Variants in VEPH1 observed in about 807,000 individuals in gnomAD.
VEPH1 encodes ventricular zone-expressed PH domain-containing protein homolog 1.
Under a neutral mutation model 85.2 loss-of-function variants are expected in VEPH1, and 80 were observed. That is an observed-to-expected ratio of 0.94 (90% CI 0.78 to 1.13). The LOEUF (loss-of-function observed/expected upper bound fraction) is 1.13, where lower values mean the gene tolerates loss of function less well. VEPH1 is among the 50% of genes most tolerant of loss of function. The probability of loss-of-function intolerance (pLI) is 0.00; values close to 1 mark genes in which losing one functional copy is unlikely to be tolerated. For missense variants in VEPH1, 955 were observed against 980.5 expected (o/e 0.97, Z 0.35); for synonymous variants, 297 against 348.0 (o/e 0.85, Z 1.63).
intron 4 of VEPH1, among the ~76,000 whole-genome samples, chr3:157,436,609 C>T (rs1038482519): frequency 5.3e-5 from 8 of 152,100 alleles, no homozygotes; most frequent in African/African-American, 1.9e-4. Context: ...CTCAGGAGAA[C>T]AGTAGAAGCC....
chr3:157,389,878 C>A (rs556253905), intron 6 of VEPH1, among the ~76,000 whole-genome samples: 11 of 152,248 alleles, frequency 7.2e-5, no homozygotes, highest in Admixed American at 6.5e-4. Context: ...GATTTTAGGT[C>A]TTCAGCATAT....
At chr3:157,342,867 T>A (rs1181054034) in intron 9 of VEPH1, among the ~76,000 whole-genome samples, 2 of 152,144 alleles carry the variant, frequency 1.3e-5, no homozygotes, top group Non-Finnish European at 2.9e-5. Context: ...CTCAGGATTA[T>A]GAAACTCACT....
Position 157,364,327 on chromosome 3 carries a change from T to A in VEPH1, c.1313A>T (p.Glu438Val). Residue 438 changes from glutamate to valine, a missense_variant, in exon 8 of 14, where the codon GAA becomes GTA. Physicochemically the swap from Glu to Val is moderately radical, Grantham distance 121. Coordinates refer to ENST00000362010, the MANE Select transcript of VEPH1 (RefSeq NM_001167912.2). ...RYSLGQVSKE[E>V]RKNIRFNRSK... Reference sequence around the variant, plus strand: ...CCTGTTAAATCTAATGTTTTTTCTTTCTTCTTTAGAAACTTGGCCCAGACT... The same window carrying A: ...CCTGTTAAATCTAATGTTTTTTCTTACTTCTTTAGAAACTTGGCCCAGACT... 6.2e-7 allele frequency: 1 copy of A among 1,612,744 alleles called. No individual in the cohort carries two copies. Among genetic ancestry groups the A allele is most frequent in the Non-Finnish European group, 8.5e-7 (1 of 1,179,560 alleles).
At chr3:157,413,480 C>A in intron 6 of VEPH1, 2 of 985,322 alleles carry the variant, frequency 2.0e-6, no homozygotes, top group Non-Finnish European at 2.4e-6. Flanking sequence ...AGAGAAATTG[C>A]AACCTGAAAT....
chr3:157,414,918 T>G (rs1731786280), intron 5 of VEPH1, among the ~76,000 whole-genome samples: 1 of 152,166 alleles, frequency 6.6e-6, no homozygotes. Context: ...GATTTGTCAT[T>G]TTTTGAGTAG....
intron 6 of VEPH1, among the ~76,000 whole-genome samples, chr3:157,402,938 A>G (rs1027733724): frequency 6.6e-6 from 1 of 152,116 alleles, no homozygotes; most frequent in African/African-American, 2.4e-5. Context: ...TTAGATGCAT[A>G]TTTTCTTAGA....
chr3:157,474,840 C>T (rs963363679), intron 2 of VEPH1, among the ~76,000 whole-genome samples: 2 of 151,776 alleles, frequency 1.3e-5, no homozygotes, highest in African/African-American at 2.4e-5. Flanking sequence ...AAAGAAATAG[C>T]CTATATATTA....
intron 6 of VEPH1, among the ~76,000 whole-genome samples, chr3:157,395,702 A>G (rs761090531): frequency 6.6e-6 from 1 of 151,886 alleles, no homozygotes; most frequent in Non-Finnish European, 1.5e-5. Flanking sequence ...TTTGTCACCA[A>G]TTTTCTTTTT....
At chr3:157,413,452 T>C in intron 6 of VEPH1, 2 of 985,242 alleles carry the variant, frequency 2.0e-6, no homozygotes, top group Non-Finnish European at 2.4e-6. Flanking sequence ...CTGTGCTTAC[T>C]GATGGTCTCC....
chr3:157,447,051 TA>T (rs559744061), intron 4 of VEPH1, among the ~76,000 whole-genome samples: 1 of 152,228 alleles, frequency 6.6e-6, no homozygotes, highest in Non-Finnish European at 1.5e-5. Context: ...ATAGTTATCT[TA>T]AAAAATGTTT....
chr3:157,311,040 T>G (rs926518890), intron 11 of VEPH1, among the ~76,000 whole-genome samples: 2 of 152,220 alleles, frequency 1.3e-5, no homozygotes, highest in Non-Finnish European at 2.9e-5. Flanking sequence ...AATGATAGAA[T>G]TTTTAAACTT....
chr3:157,277,623 T>G, intron 12 of VEPH1, among the ~76,000 whole-genome samples: 1 of 152,232 alleles, frequency 6.6e-6, no homozygotes, highest in East Asian at 1.9e-4. Context: ...TTATAATGTC[T>G]GCACTGGAAG....
chr3:157,358,945 G>A (rs181374796), intron 9 of VEPH1, among the ~76,000 whole-genome samples: 2 of 152,136 alleles, frequency 1.3e-5, no homozygotes, highest in South Asian at 2.1e-4. Flanking sequence ...GCAGTGAGCC[G>A]AGATTGTGCC....
At position 157,373,303 on chromosome 3, in the gene VEPH1, G is replaced by T. The variant is rs1402961000; in HGVS notation, c.1127+7853C>A. Among the ~76,000 whole-genome samples, 3 of 152,150 alleles carry T rather than the reference G, an allele frequency of 2.0e-5. No individual in the cohort carries two copies. In the South Asian group the frequency reaches 6.2e-4, roughly 32 times the overall value. On this transcript the variant is annotated intron_variant, in intron 7 of 13. Transcript: ENST00000362010. Reference sequence around the variant, plus strand: ...TACATATTAGGGCACTGGTGATATAGCACGGTAACCAAGAAGAGTTATTAC... The same window carrying T: ...TACATATTAGGGCACTGGTGATATATCACGGTAACCAAGAAGAGTTATTAC...
chr3:157,392,599 A>G (rs763004637), intron 6 of VEPH1, among the ~76,000 whole-genome samples: 1 of 147,338 alleles, frequency 6.8e-6, no homozygotes, highest in Non-Finnish European at 1.5e-5. Flanking sequence ...CTATGCTAAC[A>G]CTAATAATAG....
At chr3:157,413,652 T>C (rs1038472594) in intron 6 of VEPH1, 10 of 985,196 alleles carry the variant, frequency 1.0e-5, no homozygotes, top group Admixed American at 6.2e-5. Flanking sequence ...GAGGCCATTG[T>C]CCATGTAAAA....
Position 157,381,254 on chromosome 3 carries a change from G to A in VEPH1, c.1029C>T (p.Gly343=). Residue 343 remains glycine (G), a synonymous_variant, in exon 7 of 14, where the codon GGC becomes GGT. Transcript: ENST00000362010. ...SITDTFSSIL[G]PQSRDIFRMS... ...TGCGGAAGATGTCTCTGCTCTGAGG[G>A]CCCAAGATTGAGGAGAAGGTGTCGG... The A allele has an allele frequency of 6.2e-7, 1 of 1,614,104 alleles. No individual in the cohort carries two copies. Among genetic ancestry groups the A allele is most frequent in the Non-Finnish European group, 8.5e-7 (1 of 1,180,010 alleles).
intron 4 of VEPH1, chr3:157,436,878 C>G (rs1397949144): frequency 3.2e-6 from 5 of 1,586,368 alleles, no homozygotes; most frequent in Non-Finnish European, 4.3e-6. Flanking sequence ...TCAAACTCAG[C>G]TCACTTGAGA....
intron 9 of VEPH1, among the ~76,000 whole-genome samples, chr3:157,336,052 C>T (rs1336643904): frequency 6.6e-6 from 1 of 152,172 alleles, no homozygotes; most frequent in Non-Finnish European, 1.5e-5. Flanking sequence ...TCTACTCCTT[C>T]CTTACATGAT....
Sources: gnomAD v4.1 joint callset for allele counts (sites outside exome capture counted in the v4.1 genomes callset) on GRCh38, gnomAD v4.1.1 for gene constraint, MANE v1.5 for transcripts, NCBI Gene and HGNC (gene_info 2026-07-23, HGNC 2026-07-21) for gene names.